TDRD3: variants seen among roughly 807,000 people sequenced by gnomAD.
TDRD3 encodes tudor domain containing 3, also known as tudor domain-containing protein 3.
In TDRD3, 45 loss-of-function variants were observed where a neutral mutation model predicts 86.7. The ratio of observed to expected loss-of-function variants is 0.52; its 90% CI spans 0.41 to 0.67. The LOEUF (loss-of-function observed/expected upper bound fraction) is 0.67, where lower values mean the gene tolerates loss of function less well. Ranked by LOEUF, TDRD3 falls within the 30% of genes least tolerant of loss-of-function variation. The pLI is 0.00. For synonymous variants in TDRD3, 298 were observed against 301.7 expected, an observed-to-expected ratio of 0.99 and a Z score of 0.13; for missense variants, 814 against 889.0, an observed-to-expected ratio of 0.92 and a Z score of 1.07.
chr13:60,509,664 T>G (rs1957015504), intron 8 of TDRD3, 99 bp from the exon 9 acceptor site: 2 of 1,382,338 alleles, frequency 1.4e-6, no homozygotes, highest in Non-Finnish European at 2.0e-6. Flanking sequence ...TACATAAGTA[T>G]GGGATGTAAT....
At chr13:60,493,045 A>G (rs1211932177) in intron 7 of TDRD3, among the ~76,000 whole-genome samples, 1 of 150,216 alleles carries the variant, frequency 6.7e-6, no homozygotes, top group African/African-American at 2.4e-5. Context: ...CAGCCTCCCA[A>G]GTAGCTGGGA....
chr13:60,439,331 A>T (rs1227123005), intron 1 of TDRD3, among the ~76,000 whole-genome samples: 1 of 152,128 alleles, frequency 6.6e-6, no homozygotes, highest in East Asian at 1.9e-4. Context: ...ACACATCTCA[A>T]TCTCTTTTTA....
At chr13:60,479,355 A>G (rs1594991307) in intron 5 of TDRD3, among the ~76,000 whole-genome samples, 1 of 152,272 alleles carries the variant, frequency 6.6e-6, no homozygotes, top group East Asian at 1.9e-4. Context: ...CTGTGGTCCA[A>G]ATGTGTGCTT....
chr13:60,484,480 G>T (rs1170389907), intron 6 of TDRD3, among the ~76,000 whole-genome samples: 1 of 152,114 alleles, frequency 6.6e-6, no homozygotes, highest in Non-Finnish European at 1.5e-5. Context: ...GCAATGAGTT[G>T]TGGACATAAC....
At chr13:60,425,245 G>C (rs1386506538) in intron 1 of TDRD3, among the ~76,000 whole-genome samples, 1 of 152,186 alleles carries the variant, frequency 6.6e-6, no homozygotes, top group African/African-American at 2.4e-5. Flanking sequence ...AAATGTCTAA[G>C]AGGTGTATGA....
intron 1 of TDRD3, among the ~76,000 whole-genome samples, chr13:60,415,286 T>C (rs1954475720): frequency 6.6e-6 from 1 of 152,148 alleles, no homozygotes. Flanking sequence ...CCAATTCCAC[T>C]CTGTGGACAT....
At chr13:60,532,448 T>C (rs1348852455) in intron 11 of TDRD3, among the ~76,000 whole-genome samples, 1 of 152,168 alleles carries the variant, frequency 6.6e-6, no homozygotes, top group African/African-American at 2.4e-5. Flanking sequence ...AACCACAAAT[T>C]GAAGAGGTGG....
At chr13:60,573,058 T>C (rs761314252) in intron 13 of TDRD3, among the ~76,000 whole-genome samples, 3 of 152,210 alleles carry the variant, frequency 2.0e-5, no homozygotes, top group Non-Finnish European at 4.4e-5. Context: ...GAGGCTAAAA[T>C]AGGCCTGGAG....
At chr13:60,486,765 G>A (rs796325439) in intron 7 of TDRD3, among the ~76,000 whole-genome samples, 29 of 151,886 alleles carry the variant, frequency 1.9e-4, no homozygotes, top group African/African-American at 6.5e-4. Flanking sequence ...GTCCCTTAAC[G>A]TTCACCCTTC....
intron 12 of TDRD3, among the ~76,000 whole-genome samples, chr13:60,542,086 A>G (rs1957831359): frequency 6.6e-6 from 1 of 152,028 alleles, no homozygotes; most frequent in Non-Finnish European, 1.5e-5. Context: ...ACGGGGCTGG[A>G]ATTGTTCAGG....
At chr13:60,548,951 A>T (rs1281800700) in intron 12 of TDRD3, among the ~76,000 whole-genome samples, 1 of 152,164 alleles carries the variant, frequency 6.6e-6, no homozygotes, top group Non-Finnish European at 1.5e-5. Context: ...TAGGATTATC[A>T]TGGTAGTGAA....
In TDRD3 at chr13:60,485,946, G is replaced by A; in HGVS notation, c.715G>A (p.Glu239Lys). The A allele has an allele frequency of 1.3e-6, 2 of 1,599,912 alleles. No individual in the cohort carries two copies. Among genetic ancestry groups the A allele is most frequent in the Non-Finnish European group, 8.5e-7 (1 of 1,175,054 alleles). Residue 239 changes from glutamate to lysine, a missense_variant and splice_region_variant, in exon 7 of 14, where the codon GAA (glutamate) becomes AAA (lysine). Transcript: ENST00000377881. ...AAIAEVAKSKETKTFGGGGGG... is the reference protein window; with the variant it reads ...AAIAEVAKSKKTKTFGGGGGG... ...TATTGCTGAAGTTGCAAAGAGCAAG[G>A]AAGTAAGAAATCAAATCATTACACG...
intron 4 of TDRD3, among the ~76,000 whole-genome samples, chr13:60,461,634 G>A (rs1486250373): frequency 6.6e-6 from 1 of 152,120 alleles, no homozygotes; most frequent in Non-Finnish European, 1.5e-5. Flanking sequence ...CATTTATCAG[G>A]TGTTCCAGCC....
chr13:60,431,904 CTTTA>C (rs1202583852), intron 1 of TDRD3, among the ~76,000 whole-genome samples: 5 of 151,688 alleles, frequency 3.3e-5, no homozygotes, highest in Non-Finnish European at 7.4e-5. Flanking sequence ...TAGTACGTAC[CTTTA>C]TTTATCTGAT....
At chr13:60,417,183 A>G (rs546689943) in intron 1 of TDRD3, among the ~76,000 whole-genome samples, 1 of 151,416 alleles carries the variant, frequency 6.6e-6, no homozygotes, top group East Asian at 1.9e-4. Flanking sequence ...CACATGGCCA[A>G]TTTTTTATTT....
chr13:60,556,285 CCTTTTAGATGGTA>C (rs1405397898), intron 12 of TDRD3, among the ~76,000 whole-genome samples: 3 of 152,048 alleles, frequency 2.0e-5, no homozygotes, highest in African/African-American at 7.2e-5. Context: ...TAGATGTTAC[CCTTTTAGATGGTA>C]GTCTTCTAAC....
chr13:60,503,121 G>T (rs940802027), intron 8 of TDRD3, among the ~76,000 whole-genome samples: 4 of 152,134 alleles, frequency 2.6e-5, no homozygotes, highest in East Asian at 1.9e-4. Flanking sequence ...AATAAAAAAG[G>T]TTCCTTTAGC....
intron 1 of TDRD3, among the ~76,000 whole-genome samples, chr13:60,402,740 C>T (rs927898900): frequency 7.2e-6 from 1 of 138,086 alleles, no homozygotes; most frequent in Admixed American, 7.8e-5. Context: ...TCTTGTTGCC[C>T]AGGCTAGAGT....
intron 10 of TDRD3, among the ~76,000 whole-genome samples, chr13:60,523,573 C>CTTTTTTTTTTTT (rs67692021): frequency 2.9e-5 from 3 of 105,054 alleles, no homozygotes; most frequent in Admixed American, 2.1e-4. Context: ...ATACATTTTT[C>CTTTTTTTTTTTT]TTTTTTTTTT....
Sources: allele counts gnomAD v4.1 joint callset (sites outside exome capture counted in the v4.1 genomes callset), GRCh38; gene constraint gnomAD v4.1.1; transcripts MANE v1.5; gene names NCBI Gene and HGNC (gene_info 2026-07-23, HGNC 2026-07-21).